MASTL: variants seen among roughly 807,000 people sequenced by gnomAD.
The protein encoded by MASTL is microtubule associated serine/threonine kinase like.
MASTL carries 54 observed loss-of-function variants against 82.5 expected under a neutral mutation model. That is an observed-to-expected ratio of 0.65 (90% CI 0.53 to 0.82). The LOEUF is 0.82. Among genes scored for constraint, MASTL ranks in the 40% least tolerant of loss-of-function variants. MASTL has a pLI of 0.00. For synonymous variants in MASTL, 323 were observed against 368.9 expected, an observed-to-expected ratio of 0.88 and a Z score of 1.43; for missense variants, 950 against 1,047.8, an observed-to-expected ratio of 0.91 and a Z score of 1.29.
chr10:27,159,731 A>G lies in MASTL; in HGVS notation c.437A>G (p.Tyr146Cys). 1 of 1,611,956 alleles carries G rather than the reference A, an allele frequency of 6.2e-7. No homozygotes were observed. The highest frequency in any genetic ancestry group is 8.5e-7 in the Non-Finnish European group (1 of 1,178,292). Residue 146 changes from tyrosine (Y) to cysteine (C), a missense_variant, in exon 3 of 12, where the codon TAC (tyrosine) becomes TGC (cysteine). Physicochemically the swap from Tyr to Cys is radical, Grantham distance 194 (BLOSUM62 -2). Transcript: ENST00000375940. This position sits in a 1 kb window ranked among gnomAD's most constrained non-coding sequence, Gnocchi z 4.0. ...YISEVALALD[Y>C]LHRHGIIHRD... is the part of the protein sequence containing the mutation. ...TCTGAAGTAGCACTGGCTCTAGACT[A>G]CCTTCACAGACATGGAATCATCCAC...
intron 1 of MASTL, among the ~76,000 whole-genome samples, chr10:27,156,947 T>G (rs1395641548): frequency 6.6e-6 from 1 of 151,408 alleles, no homozygotes. Context: ...TAGTTGGGAT[T>G]CCCGCCACCA....
chr10:27,178,395 CAAAA>C (rs35522896), intron 9 of MASTL, among the ~76,000 whole-genome samples: 2 of 131,034 alleles, frequency 1.5e-5, no homozygotes, highest in Non-Finnish European at 3.2e-5. Flanking sequence ...GACTCCATCT[CAAAA>C]AAAAAAAAAA....
intron 9 of MASTL, among the ~76,000 whole-genome samples, chr10:27,179,561 A>C (rs964110391): frequency 6.6e-6 from 1 of 152,184 alleles, no homozygotes; most frequent in Non-Finnish European, 1.5e-5. Flanking sequence ...CGTCTCAAAA[A>C]ACAAACAAAC....
At chr10:27,174,083 G>A (rs10829200) in intron 9 of MASTL, among the ~76,000 whole-genome samples, 91,212 of 151,664 alleles carry the variant, frequency 0.6, 27,719 homozygotes, top group Non-Finnish European at 0.65. Context: ...GGCTGGTTAC[G>A]GTGGCTCACG....
chr10:27,155,660 C>A (rs766221577), intron 1 of MASTL, 48 bp downstream of exon 1: 1 of 1,604,740 alleles, frequency 6.2e-7, no homozygotes, highest in South Asian at 1.1e-5. Context: ...CTTCGGCCCT[C>A]CTTCCTGCCC....
chr10:27,174,595 A>C (rs762465708), intron 9 of MASTL, among the ~76,000 whole-genome samples: 1 of 152,074 alleles, frequency 6.6e-6, no homozygotes, highest in Non-Finnish European at 1.5e-5. Flanking sequence ...CCTGTAGGGA[A>C]ATCCTTCTTT....
chr10:27,171,088 ATTTATAACTTT>A lies in MASTL; in HGVS notation c.2124+6_2124+16del, dbSNP rs776710518. On this transcript the variant is annotated splice_donor_region_variant and intron_variant, in intron 8 of 11. Transcript: ENST00000375940. ...AGATCCTGTATGCCACATCAGGTAT[ATTTATAACTTT>A]CTAATACTGTTTTTTGGATTTTAGA... The A allele has an allele frequency of 5.6e-6, 9 of 1,612,362 alleles. No individual in the cohort carries two copies. In the Admixed American group the frequency reaches 1.2e-4, roughly 21 times the overall value.
chr10:27,157,381 A>G (rs772749282), intron 1 of MASTL, among the ~76,000 whole-genome samples: 7 of 152,234 alleles, frequency 4.6e-5, no homozygotes, highest in Non-Finnish European at 7.3e-5. Context: ...GAACTGGACA[A>G]CAATGGGGAA....
intron 11 of MASTL, among the ~76,000 whole-genome samples, chr10:27,183,713 T>C (rs149425520): frequency 6.6e-6 from 1 of 152,204 alleles, no homozygotes; most frequent in East Asian, 1.9e-4. Flanking sequence ...ATTTCTTTCT[T>C]TTTTTGGTTT....
At chr10:27,163,186 G>C (rs1275720337) in intron 4 of MASTL, among the ~76,000 whole-genome samples, 1 of 152,096 alleles carries the variant, frequency 6.6e-6, no homozygotes, top group Non-Finnish European at 1.5e-5. Flanking sequence ...CAAAGTGCTA[G>C]GATTACAGGC....
At chr10:27,157,703 T>C (rs2057438800) in intron 1 of MASTL, among the ~76,000 whole-genome samples, 1 of 152,272 alleles carries the variant, frequency 6.6e-6, no homozygotes, top group African/African-American at 2.4e-5. Flanking sequence ...TCTGTACAGA[T>C]TACCTTGAAA....
intron 9 of MASTL, among the ~76,000 whole-genome samples, chr10:27,176,951 T>C (rs2058120842): frequency 6.6e-6 from 1 of 151,320 alleles, no homozygotes; most frequent in African/African-American, 2.4e-5. Context: ...GTTCAAGCAG[T>C]TGTTTGCCTC....
chr10:27,158,607 G>C lies in MASTL; in HGVS notation c.245G>C (p.Arg82Thr). 1 of 1,613,062 alleles carries C rather than the reference G, an allele frequency of 6.2e-7. No homozygotes were observed. Among genetic ancestry groups the C allele is most frequent in the Non-Finnish European group, 8.5e-7 (1 of 1,178,984 alleles). ...KNMTHQVQAERDALALSKSPF... is the reference protein window; with the variant it reads ...KNMTHQVQAETDALALSKSPF... ...ATGACTCATCAGGTCCAAGCTGAGA[G>C]AGATGCACTGGCACTAAGCAAAAGC... is the stretch of plus-strand genomic sequence containing the variant. Residue 82 changes from arginine (R) to threonine (T), a missense_variant, in exon 2 of 12, where the codon AGA becomes ACA. Arg to Thr is a moderately conservative substitution (Grantham distance 71, BLOSUM62 -1). Coordinates refer to ENST00000375940, the MANE Select transcript of MASTL (RefSeq NM_001172303.3).
chr10:27,155,015 C>A (rs948278373), upstream of MASTL: 1 of 229,180 alleles, frequency 4.4e-6, no homozygotes. Flanking sequence ...ACAGTCAGAA[C>A]TGGTTTCTAC....
chr10:27,165,071 T>C lies in MASTL; in HGVS notation c.561T>C (p.Asn187=). The C allele has an allele frequency of 6.4e-7, 1 of 1,570,950 alleles. No individual in the cohort carries two copies. The highest frequency in any genetic ancestry group is 8.8e-7 in the Non-Finnish European group (1 of 1,140,724). Residue 187 remains asparagine (N), a synonymous_variant, in exon 5 of 12, where the codon AAT becomes AAC. Coordinates refer to ENST00000375940, the MANE Select transcript of MASTL (RefSeq NM_001172303.3). The stretch of plus-strand genomic sequence containing the variant: ...TTTTCTTTGCATACATAGATATTAA[T>C]ATGATGGATATCCTTACAACACCAT... ...LSKVTLNRDI[N]MMDILTTPSM...
Position 27,159,829 on chromosome 10 carries a change from A to G in MASTL, c.464+71A>G. On this transcript the variant is annotated intron_variant, in intron 3 of 11. Coordinates refer to ENST00000375940, the MANE Select transcript of MASTL (RefSeq NM_001172303.3). This position sits in a 1 kb window ranked among gnomAD's most constrained non-coding sequence, Gnocchi z 4.0. ...CAAATTACATATTTGAGTCTCAGATATTCACAGTAACCACTTGCACTTATT... is the reference window on the plus strand; with the variant it reads ...CAAATTACATATTTGAGTCTCAGATGTTCACAGTAACCACTTGCACTTATT... 7.6e-7 allele frequency: 1 copy of G among 1,316,040 alleles called. No individual in the cohort carries two copies. The highest frequency in any genetic ancestry group is 1.1e-6 in the Non-Finnish European group (1 of 915,910). The allele number at this position is 1,316,040 out of a possible 1,614,324, so 81.5% of individuals were successfully genotyped here. A position where few individuals can be genotyped will look rare whatever the true frequency, so the allele number is the denominator to read the frequency against.
In MASTL at chr10:27,170,869, G is replaced by A. The variant is rs749146827; in HGVS notation, c.1910G>A (p.Gly637Asp). ...CAAGAGAGTAACCAAAAAATGTTAGGTCCTCCTTTGGAGGTGCTGAAAACG... is the reference window on the plus strand; with the variant it reads ...CAAGAGAGTAACCAAAAAATGTTAGATCCTCCTTTGGAGGTGCTGAAAACG... Reference protein sequence around the residue: ...AVQESNQKMLGPPLEVLKTLA... With the variant: ...AVQESNQKMLDPPLEVLKTLA... Residue 637 changes from glycine (G) to aspartate (D), a missense_variant, in exon 8 of 12, where the codon GGT becomes GAT. Transcript: ENST00000375940. 1.7e-5 allele frequency: 27 copies of A among 1,613,990 alleles called. No individual in the cohort carries two copies. The Admixed American group carries it at 3.8e-4, about 23-fold the overall frequency.
rs1254786877 is a variant in MASTL, at chr10:27,187,690, T to G, written c.*1154T>G. 6.6e-6 allele frequency among the ~76,000 whole-genome samples: 1 copy of G among 151,246 alleles called. No individual in the cohort carries two copies. The highest frequency in any genetic ancestry group is 2.4e-5 in the African/African-American group (1 of 41,186). ...TCGCTTGAACCCAGGAGGTGGAGAT[T>G]GCAGTGAGCTGAGATCACATCACTG... On this transcript the variant is annotated 3_prime_UTR_variant, in exon 12 of 12. Coordinates refer to ENST00000375940, the MANE Select transcript of MASTL (RefSeq NM_001172303.3).
At chr10:27,156,367 T>C (rs575219447) in intron 1 of MASTL, among the ~76,000 whole-genome samples, 1 of 152,146 alleles carries the variant, frequency 6.6e-6, no homozygotes, top group East Asian at 1.9e-4. Context: ...ATTAGTGGTT[T>C]TGTTTACCTT....
Sources: allele counts gnomAD v4.1 joint callset (sites outside exome capture counted in the v4.1 genomes callset), GRCh38; gene constraint gnomAD v4.1.1; non-coding constraint Gnocchi (gnomAD v3.1); transcripts MANE v1.5; gene names NCBI Gene and HGNC (gene_info 2026-07-23, HGNC 2026-07-21).